The following MCOLN2 variants were observed in gnomAD, a reference collection of about 807,000 sequenced individuals.
MCOLN2 encodes mucolipin-2.
Under a neutral mutation model 67.5 loss-of-function variants are expected in MCOLN2, and 57 were observed. The ratio of observed to expected loss-of-function variants is 0.84; its 90% confidence interval spans 0.68 to 1.05. The LOEUF (loss-of-function observed/expected upper bound fraction) is 1.05, where lower values mean the gene tolerates loss of function less well. Ranked by LOEUF, MCOLN2 falls within the 50% of genes least tolerant of loss-of-function variation. The probability of loss-of-function intolerance (pLI) is 0.00; values close to 1 mark genes in which losing one functional copy is unlikely to be tolerated. For synonymous variants in MCOLN2, 246 were observed against 233.3 expected (o/e 1.05, Z -0.50); for missense variants, 620 against 678.8 (o/e 0.91, Z 0.96).
intron 7 of MCOLN2, among the ~76,000 whole-genome samples, chr1:84,945,063 GT>G (rs1648016597): frequency 7.1e-6 from 1 of 141,580 alleles, no homozygotes; most frequent in South Asian, 2.1e-4. Context: ...AGGAGAATAT[GT>G]AAATCTTAAA....
chr1:84,954,076 G>A (rs1268545388), intron 4 of MCOLN2, among the ~76,000 whole-genome samples: 1 of 152,144 alleles, frequency 6.6e-6, no homozygotes. Context: ...AGAGTATAAG[G>A]TCTTTGAGAT....
chr1:84,950,497 C>T (rs1182901234), intron 6 of MCOLN2, among the ~76,000 whole-genome samples: 2 of 152,176 alleles, frequency 1.3e-5, no homozygotes. Flanking sequence ...TCAAGAGCTA[C>T]ATATAATGTT....
At chr1:84,936,538 T>C (rs1467902485) in intron 11 of MCOLN2, among the ~76,000 whole-genome samples, 2 of 152,218 alleles carry the variant, frequency 1.3e-5, no homozygotes, top group Non-Finnish European at 2.9e-5. Flanking sequence ...TTTTTTCTCA[T>C]GAGTCACCTT....
chr1:84,942,234 C>A (rs1267912195), intron 7 of MCOLN2, among the ~76,000 whole-genome samples: 2 of 152,222 alleles, frequency 1.3e-5, no homozygotes, highest in Non-Finnish European at 2.9e-5. Context: ...ACACCCAGAG[C>A]TCCTTTACTT....
At chr1:84,938,107 G>A (rs1647540956) in intron 9 of MCOLN2, 25 bp from the exon 10 acceptor site, 1 of 1,534,634 alleles carries the variant, frequency 6.5e-7, no homozygotes, top group Non-Finnish European at 9.0e-7. Context: ...AAAAGAAAGA[G>A]AGAAATGAGT....
chr1:84,939,278 C>T (rs1306142903), intron 9 of MCOLN2, among the ~76,000 whole-genome samples: 1 of 152,172 alleles, frequency 6.6e-6, no homozygotes, highest in Non-Finnish European at 1.5e-5. Flanking sequence ...GGATAAGCTG[C>T]TCCTTTGGCA....
In MCOLN2 at chr1:84,996,915, C is replaced by A. The variant is rs1651186559; in HGVS notation, c.-43G>T. 1 of 1,549,362 alleles carries A rather than the reference C, an allele frequency of 6.5e-7. No individual in the cohort carries two copies. The highest frequency in any genetic ancestry group is 1.4e-5 in the African/African-American group (1 of 73,634). Reference sequence around the variant, plus strand: ...TTTCCAGGGCTCTCGGGATTCGGAACAGGAAACACCGTTCACGGCCGACTC... The same window carrying A: ...TTTCCAGGGCTCTCGGGATTCGGAAAAGGAAACACCGTTCACGGCCGACTC... On this transcript the variant is annotated 5_prime_UTR_variant, in exon 1 of 14. Coordinates refer to ENST00000370608, the MANE Select transcript of MCOLN2 (RefSeq NM_153259.4).
At chr1:84,957,517 A>C (rs1015608600) in intron 3 of MCOLN2, among the ~76,000 whole-genome samples, 2 of 152,212 alleles carry the variant, frequency 1.3e-5, no homozygotes, top group Non-Finnish European at 2.9e-5. Context: ...AAACAACTCC[A>C]AGATTCTTTG....
At chr1:84,949,226 G>C (rs2102830090) in intron 6 of MCOLN2, among the ~76,000 whole-genome samples, 1 of 152,310 alleles carries the variant, frequency 6.6e-6, no homozygotes. Flanking sequence ...TCTTGGGAGA[G>C]ATATGGACAT....
chr1:84,989,235 C>T (rs923187458), intron 1 of MCOLN2, among the ~76,000 whole-genome samples: 9 of 152,020 alleles, frequency 5.9e-5, no homozygotes, highest in Admixed American at 3.9e-4. Flanking sequence ...CTTGACTACA[C>T]GAACTTTTCC....
At chr1:84,940,249 A>C (rs1050337044) in intron 8 of MCOLN2, among the ~76,000 whole-genome samples, 20 of 152,336 alleles carry the variant, frequency 1.3e-4, no homozygotes, top group Middle Eastern at 3.4e-3. Flanking sequence ...AGGATTAGGC[A>C]AAATCAAATG....
chr1:84,982,312 A>G (rs1401489430), intron 1 of MCOLN2, among the ~76,000 whole-genome samples: 1 of 152,126 alleles, frequency 6.6e-6, no homozygotes, highest in Non-Finnish European at 1.5e-5. Context: ...TTTTTAAAAT[A>G]AAAAAATAGA....
intron 4 of MCOLN2, 75 bp downstream of exon 4, chr1:84,956,356 T>C (rs1648790329): frequency 2.0e-6 from 3 of 1,473,530 alleles, no homozygotes; most frequent in African/African-American, 1.4e-5. Flanking sequence ...TCCATCTGGG[T>C]TGCTAGCACA....
chr1:84,939,571 T>A lies in MCOLN2; in HGVS notation c.1092A>T (p.Lys364Asn). The A allele has an allele frequency of 6.2e-7, 1 of 1,613,994 alleles. No homozygotes were observed. The highest frequency in any genetic ancestry group is 8.5e-7 in the Non-Finnish European group (1 of 1,179,966). ...DLMTIIGSIL[K>N]MEIKAKNLTN... is the part of the protein sequence containing the mutation. ...CCCTCACCTTTGCTTTGATTTCCAT[T>A]TTTAATATGGAGCCAATGATTGTCA... The change falls in exon 9 of 14, where the codon AAA (lysine) becomes AAT (asparagine). Residue 364 changes from lysine (K) to asparagine (N), a missense_variant. Lys to Asn is a moderately conservative substitution (Grantham distance 94, BLOSUM62 0). Coordinates refer to ENST00000370608, the MANE Select transcript of MCOLN2 (RefSeq NM_153259.4).
chr1:84,956,581 G>T lies in MCOLN2; in HGVS notation c.415C>A (p.His139Asn). The T allele has an allele frequency of 6.4e-7, 1 of 1,574,704 alleles. No individual in the cohort carries two copies. Among genetic ancestry groups the T allele is most frequent in the Middle Eastern group, 1.7e-4 (1 of 5,922 alleles). The change falls in exon 4 of 14, where the codon CAT becomes AAT. Residue 139 changes from histidine to asparagine, a missense_variant. By Grantham distance (68) the His-to-Asn change is moderately conservative. Coordinates refer to ENST00000370608, the MANE Select transcript of MCOLN2 (RefSeq NM_153259.4). ...CCCAGGGTAATGTCCTTTAGCTGAT[G>T]ATACTATTAAAAAATAGTCAAGTAA... Reference protein sequence around the residue: ...ESIFFAINQYHQLKDITLGTL... With the variant: ...ESIFFAINQYNQLKDITLGTL...
chr1:84,992,761 C>T (rs1650953309), intron 1 of MCOLN2, among the ~76,000 whole-genome samples: 1 of 151,980 alleles, frequency 6.6e-6, no homozygotes. Context: ...CTAAAAAAAC[C>T]ACCTTAATTT....
chr1:84,930,953 T>C (rs372044208), intron 12 of MCOLN2, among the ~76,000 whole-genome samples: 20 of 152,306 alleles, frequency 1.3e-4, no homozygotes, highest in Admixed American at 9.1e-4. Flanking sequence ...GCCTGCACCA[T>C]GCCAGTAGCT....
At chr1:84,990,140 C>CAA (rs201101864) in intron 1 of MCOLN2, among the ~76,000 whole-genome samples, 4 of 150,286 alleles carry the variant, frequency 2.7e-5, no homozygotes, top group East Asian at 2.0e-4. Flanking sequence ...ACTAAAAACA[C>CAA]AAAAAAAATT....
intron 1 of MCOLN2, among the ~76,000 whole-genome samples, chr1:84,982,435 G>A (rs946037294): frequency 6.6e-6 from 1 of 152,250 alleles, no homozygotes; most frequent in Non-Finnish European, 1.5e-5. Flanking sequence ...ACCATGTCCA[G>A]CCTGGCAATT....
Sources: allele counts gnomAD v4.1 joint callset (sites outside exome capture counted in the v4.1 genomes callset), GRCh38; gene constraint gnomAD v4.1.1; transcripts MANE v1.5; gene names NCBI Gene and HGNC (gene_info 2026-07-23, HGNC 2026-07-21).